The following FAT3 variants were observed in gnomAD, a reference collection of about 807,000 sequenced individuals.
FAT3 encodes the protein protocadherin Fat 3.
A neutral mutation model predicts 310.2 loss-of-function variants in FAT3; 95 were observed. That is an observed-to-expected ratio of 0.31 (90% CI 0.26 to 0.36). The LOEUF (loss-of-function observed/expected upper bound fraction) is 0.36. FAT3 is among the 10% of genes least tolerant of loss of function. The probability of loss-of-function intolerance (pLI) is 1.00; values close to 1 mark genes in which losing one functional copy is unlikely to be tolerated. For missense variants in FAT3, 5,408 were observed against 5,715.6 expected, an observed-to-expected ratio of 0.95 and a Z score of 1.74; for synonymous variants, 2,314 against 2,192.9, an observed-to-expected ratio of 1.06 and a Z score of -1.54.
chr11:92,563,887 C>T lies in FAT3; in HGVS notation c.3607+38939C>T, dbSNP rs538817804. The stretch of plus-strand genomic sequence containing the variant: ...GCCCTAAAAGAGCTCCTAAAGGAAG[C>T]ACTAAACATGGAAAGGAACAACCGG... On this transcript the variant is annotated intron_variant, in intron 3 of 27. Coordinates refer to ENST00000525166, the MANE Select transcript of FAT3 (RefSeq NM_001367949.2). Among the ~76,000 whole-genome samples the T allele has an allele frequency of 2.5e-3, 387 of 152,018 alleles. 2 individuals carry two copies. The highest frequency in any genetic ancestry group is 8.5e-3 in the African/African-American group (351 of 41,458).
Position 92,355,303 on chromosome 11 carries a change from A to G in FAT3, c.3191A>G (p.Gln1064Arg). The change falls in exon 2 of 28, where the codon CAG becomes CGG. Residue 1064 changes from glutamine to arginine, a missense_variant. Gln to Arg is a conservative substitution (Grantham distance 43). Coordinates refer to ENST00000525166, the MANE Select transcript of FAT3 (RefSeq NM_001367949.2). ...TCACGCATTGGAACAAGCGTGCTGC[A>G]GGTGACTGCTCGAGATGAAGACTCC... ...ENSRIGTSVL[Q>R]VTARDEDSGR... 6.2e-7 allele frequency: 1 copy of G among 1,613,844 alleles called. No individual in the cohort carries two copies. The highest frequency in any genetic ancestry group is 8.5e-7 in the Non-Finnish European group (1 of 1,179,862).
chr11:92,780,914 A>C (rs1946730073), intron 7 of FAT3, among the ~76,000 whole-genome samples: 1 of 152,190 alleles, frequency 6.6e-6, no homozygotes, highest in South Asian at 2.1e-4. Context: ...TACATCTGCC[A>C]AATCAATCTG....
In FAT3 at chr11:92,894,345, A is replaced by T. The variant is rs1949979024; in HGVS notation, c.*3232A>T. ...TGAAACTTTGATTATACTGTTACCT[A>T]CTGGTTGCATTTTTGGTTTTGGTTT... On this transcript the variant is annotated 3_prime_UTR_variant, in exon 28 of 28. Transcript: ENST00000525166. 6.6e-6 allele frequency: 1 copy of T among 152,126 alleles called. No individual in the cohort carries two copies. Among genetic ancestry groups the T allele is most frequent in the Non-Finnish European group, 1.5e-5 (1 of 68,020 alleles). The allele number at this position is 152,126 out of a possible 1,614,324, so 9.4% of individuals were successfully genotyped here. A position where few individuals can be genotyped will look rare whatever the true frequency, so the allele number is the denominator to read the frequency against.
chr11:92,875,841 C>T (rs1191795208), intron 22 of FAT3, among the ~76,000 whole-genome samples: 5 of 152,280 alleles, frequency 3.3e-5, no homozygotes, highest in Admixed American at 6.5e-5. Context: ...ATGATGAAAA[C>T]GGCAAAATTC....
At chr11:92,505,344 T>G (rs1447253052) in intron 2 of FAT3, among the ~76,000 whole-genome samples, 1 of 152,156 alleles carries the variant, frequency 6.6e-6, no homozygotes, top group Non-Finnish European at 1.5e-5. Flanking sequence ...CTTTGAACTT[T>G]CCTGGACGAC....
chr11:92,279,755 C>T (rs1946373919), intron 1 of FAT3, among the ~76,000 whole-genome samples: 2 of 152,146 alleles, frequency 1.3e-5, no homozygotes, highest in African/African-American at 2.4e-5. Context: ...TAACAAGTCA[C>T]CCTACTCTAC....
chr11:92,557,721 G>A (rs1955071966), intron 3 of FAT3, among the ~76,000 whole-genome samples: 1 of 152,202 alleles, frequency 6.6e-6, no homozygotes, highest in South Asian at 2.1e-4. Context: ...ATTAGTGGAG[G>A]TGATAAAACT....
At chr11:92,679,447 G>T (rs577418917) in intron 3 of FAT3, among the ~76,000 whole-genome samples, 1 of 151,594 alleles carries the variant, frequency 6.6e-6, no homozygotes, top group African/African-American at 2.4e-5. Context: ...TTTTCTCCAC[G>T]TCCTCATCAA....
chr11:92,647,905 G>C (rs538055300), intron 3 of FAT3, among the ~76,000 whole-genome samples: 1 of 152,070 alleles, frequency 6.6e-6, no homozygotes, highest in South Asian at 2.1e-4. Context: ...AGCAGAATAT[G>C]TGCCTGTCTT....
chr11:92,808,785 G>A (rs888717996), intron 12 of FAT3, among the ~76,000 whole-genome samples: 1 of 152,018 alleles, frequency 6.6e-6, no homozygotes, highest in Non-Finnish European at 1.5e-5. Flanking sequence ...AATTAGCCAG[G>A]CATGGTGGCG....
At chr11:92,811,761 A>ATT (rs1437743820) in intron 13 of FAT3, among the ~76,000 whole-genome samples, 1 of 152,188 alleles carries the variant, frequency 6.6e-6, no homozygotes, top group Non-Finnish European at 1.5e-5. Flanking sequence ...GACAGAGATT[A>ATT]TAGGGGTGCT....
At chr11:92,838,243 T>C (rs987882508) in intron 17 of FAT3, among the ~76,000 whole-genome samples, 1 of 152,212 alleles carries the variant, frequency 6.6e-6, no homozygotes, top group African/African-American at 2.4e-5. Flanking sequence ...TTTATGCTAT[T>C]CTGGCAGATG....
chr11:92,380,072 C>CAT (rs1555028339), intron 2 of FAT3, among the ~76,000 whole-genome samples: 14 of 145,210 alleles, frequency 9.6e-5, no homozygotes, highest in Admixed American at 9.1e-4. Context: ...CAAACTGATT[C>CAT]GTGTGTGTGT....
chr11:92,802,367 A>G (rs767973757), intron 10 of FAT3, among the ~76,000 whole-genome samples: 8 of 152,198 alleles, frequency 5.3e-5, no homozygotes, highest in Non-Finnish European at 1.2e-4. Flanking sequence ...ACATGTACAC[A>G]CATTAGATGG....
chr11:92,719,760 G>A (rs1372207363), intron 4 of FAT3, among the ~76,000 whole-genome samples: 1 of 145,752 alleles, frequency 6.9e-6, no homozygotes, highest in Admixed American at 6.9e-5. Flanking sequence ...GTGTGTGTGT[G>A]TGTGTGTGTG....
intron 4 of FAT3, 144 bp from the exon 5 acceptor site, chr11:92,761,712 A>C (rs1946155452): frequency 1.4e-6 from 1 of 732,882 alleles, no homozygotes; most frequent in Non-Finnish European, 2.2e-6. Flanking sequence ...ATCTATAGAA[A>C]GATGAAAAAA....
chr11:92,351,878 A>G (rs1222240748), intron 1 of FAT3, among the ~76,000 whole-genome samples: 1 of 152,242 alleles, frequency 6.6e-6, no homozygotes, highest in East Asian at 1.9e-4. Context: ...GTGTCACTTG[A>G]AAACAATTCT....
chr11:92,255,509 G>A (rs1318862021), intron 1 of FAT3, among the ~76,000 whole-genome samples: 3 of 151,988 alleles, frequency 2.0e-5, no homozygotes, highest in East Asian at 1.9e-4. Flanking sequence ...TTGAATCACT[G>A]AGGAAACAAG....
chr11:92,728,831 C>G (rs553855856), intron 4 of FAT3, among the ~76,000 whole-genome samples: 99 of 152,144 alleles, frequency 6.5e-4, no homozygotes, highest in Non-Finnish European at 1.1e-3. Context: ...CGAGTGTAAC[C>G]TCATCTGCCT....
Sources: gnomAD v4.1 joint callset for allele counts (sites outside exome capture counted in the v4.1 genomes callset) on GRCh38, gnomAD v4.1.1 for gene constraint, MANE v1.5 for transcripts, NCBI Gene and HGNC (gene_info 2026-07-23, HGNC 2026-07-21) for gene names.